PTAR1: variants seen among roughly 807,000 people sequenced by gnomAD.
PTAR1 encodes the protein protein prenyltransferase alpha subunit repeat containing 1.
Under a neutral mutation model 45.5 loss-of-function variants are expected in PTAR1, and 17 were observed. That is an observed-to-expected ratio of 0.37 (90% CI 0.26 to 0.56). The LOEUF (loss-of-function observed/expected upper bound fraction) is 0.56. Among genes scored for constraint, PTAR1 ranks in the 20% least tolerant of loss-of-function variants. The pLI is 0.77. For missense variants in PTAR1, 391 were observed against 476.3 expected (o/e 0.82, Z 1.67); for synonymous variants, 169 against 171.3 (o/e 0.99, Z 0.11).
chr9:69,744,927 G>A (rs1402796255), intron 2 of PTAR1, among the ~76,000 whole-genome samples: 1 of 152,130 alleles, frequency 6.6e-6, no homozygotes, highest in Non-Finnish European at 1.5e-5. Context: ...TAAGAGGATA[G>A]GCCTTCCTTA....
rs1824491010 is a variant in PTAR1 at position 69,710,699 on chromosome 9, T to C, written c.*7643A>G. On this transcript the variant is annotated 3_prime_UTR_variant, in exon 8 of 8. Coordinates refer to ENST00000340434, the MANE Select transcript of PTAR1 (RefSeq NM_001099666.2). ...AGCTAAAGGACTTCAATGTAGACTG[T>C]TACATTGGGGAAAAACAGATCAAGA... 1 of 152,136 alleles carries C rather than the reference T, an allele frequency of 6.6e-6. No homozygotes were observed. The highest frequency in any genetic ancestry group is 1.5e-5 in the Non-Finnish European group (1 of 68,014). The allele number at this position is 152,136 out of a possible 1,614,324, so 9.4% of individuals were successfully genotyped here.
chr9:69,719,911 A>G lies in PTAR1; in HGVS notation c.948-1227T>C, dbSNP rs140149285. Among the ~76,000 whole-genome samples, 1,249 of 152,286 alleles carry G rather than the reference A, an allele frequency of 8.2e-3. 8 individuals carry two copies. Among genetic ancestry groups the G allele is most frequent in the Non-Finnish European group, 0.013 (908 of 68,012 alleles). Reference sequence around the variant, plus strand: ...GTCACAAACACACCCATATAAGATGATAAACTGAACCAATAAATGTTGTGT... The same window carrying G: ...GTCACAAACACACCCATATAAGATGGTAAACTGAACCAATAAATGTTGTGT... On this transcript the variant is annotated intron_variant, in intron 6 of 7. Coordinates refer to ENST00000340434, the MANE Select transcript of PTAR1 (RefSeq NM_001099666.2).
At chr9:69,732,044 T>A in intron 5 of PTAR1, 95 bp downstream of exon 5, 1 of 822,624 alleles carries the variant, frequency 1.2e-6, no homozygotes, top group Non-Finnish European at 1.9e-6. Flanking sequence ...ACCATCAGTT[T>A]CTCTACTCCT....
chr9:69,739,854 C>T (rs1469377546), intron 3 of PTAR1, among the ~76,000 whole-genome samples: 1 of 152,128 alleles, frequency 6.6e-6, no homozygotes, highest in East Asian at 1.9e-4. Context: ...TCATCTAGCA[C>T]AAAACCTTAC....
Position 69,732,290 on chromosome 9 carries a change from T to C in PTAR1, c.491A>G (p.Asn164Ser), listed in dbSNP as rs776073842. 3 of 1,613,898 alleles carry C rather than the reference T, an allele frequency of 1.9e-6. No individual in the cohort carries two copies. The highest frequency in any genetic ancestry group is 3.3e-5 in the Admixed American group (2 of 60,016). Residue 164 changes from asparagine to serine, a missense_variant, in exon 5 of 8, where the codon AAC becomes AGC. By Grantham distance (46) the Asn-to-Ser change is conservative. This residue lies in a region of PTAR1 where 46 missense variants were observed against 39.6 expected (regional missense o/e 1.16). Coordinates refer to ENST00000340434, the MANE Select transcript of PTAR1 (RefSeq NM_001099666.2). The stretch of plus-strand genomic sequence containing the variant: ...CCTTTCTGTGGGAATTGTTCCCAAG[T>C]TTCCTTTGGTCACAAAGGAAGGCAA... ...TSLPSFVTKG[N>S]LGTIPTERAQ...
At chr9:69,726,892 C>T (rs926892056) in intron 5 of PTAR1, among the ~76,000 whole-genome samples, 7 of 148,390 alleles carry the variant, frequency 4.7e-5, no homozygotes, top group African/African-American at 1.7e-4. Context: ...ATATTATTTT[C>T]GATATATTAC....
rs1370541118 is a variant in PTAR1 at position 69,710,600 on chromosome 9, G to A, written c.*7742C>T. 6.6e-6 allele frequency: 1 copy of A among 152,060 alleles called. No individual in the cohort carries two copies. Among genetic ancestry groups the A allele is most frequent in the South Asian group, 2.1e-4 (1 of 4,822 alleles). 9.4% of individuals were successfully genotyped at this position (152,060 alleles called of 1,614,324 possible). On this transcript the variant is annotated 3_prime_UTR_variant, in exon 8 of 8. Transcript: ENST00000340434. ...AAAATTCATTCTTATCTCTCTGAAA[G>A]ATATGCATTTTAAGGGTAAAAAGAA...
chr9:69,724,095 A>T (rs1166839548), intron 5 of PTAR1, among the ~76,000 whole-genome samples: 1 of 152,168 alleles, frequency 6.6e-6, no homozygotes, highest in Non-Finnish European at 1.5e-5. Flanking sequence ...GCTCAGTGAA[A>T]TTATTTGTTC....
chr9:69,709,620 T>C lies in PTAR1; in HGVS notation c.*8722A>G, dbSNP rs1397465348. 1 of 152,168 alleles carries C rather than the reference T, an allele frequency of 6.6e-6. No homozygotes were observed. Among genetic ancestry groups the C allele is most frequent in the Non-Finnish European group, 1.5e-5 (1 of 68,014 alleles). 9.4% of individuals were successfully genotyped at this position (152,168 alleles called of 1,614,324 possible). On this transcript the variant is annotated 3_prime_UTR_variant, in exon 8 of 8. Coordinates refer to ENST00000340434, the MANE Select transcript of PTAR1 (RefSeq NM_001099666.2). ...TATTCTACAGAAATACAATACTTTA[T>C]AGCTGGCTTGGTACATGGTCACATA... is the stretch of plus-strand genomic sequence containing the variant.
intron 5 of PTAR1, among the ~76,000 whole-genome samples, chr9:69,724,965 A>G (rs983558212): frequency 2.0e-5 from 3 of 152,228 alleles, no homozygotes; most frequent in African/African-American, 7.2e-5. Context: ...TCCAGAGGCT[A>G]TAGCTGGCAA....
intron 3 of PTAR1, among the ~76,000 whole-genome samples, chr9:69,735,816 G>A (rs1825761641): frequency 1.3e-5 from 2 of 151,776 alleles, no homozygotes; most frequent in African/African-American, 4.8e-5. Flanking sequence ...TACTTAGACG[G>A]ACTTAATTCC....
chr9:69,759,786 T>TTG, intron 1 of PTAR1, 67 bp downstream of exon 1: 3 of 1,445,230 alleles, frequency 2.1e-6, no homozygotes, highest in East Asian at 3.0e-5. Context: ...CGAGGTCGGG[T>TTG]GGACGCTTGG....
In PTAR1 at chr9:69,710,703, A is replaced by G. The variant is rs1231395963; in HGVS notation, c.*7639T>C. On this transcript the variant is annotated 3_prime_UTR_variant, in exon 8 of 8. Transcript: ENST00000340434. ...AAAGGACTTCAATGTAGACTGTTAC[A>G]TTGGGGAAAAACAGATCAAGAAACA... 2 of 152,192 alleles carry G rather than the reference A, an allele frequency of 1.3e-5. No homozygotes were observed. The highest frequency in any genetic ancestry group is 2.9e-5 in the Non-Finnish European group (2 of 68,030). 9.4% of individuals were successfully genotyped at this position (152,192 alleles called of 1,614,324 possible). A position where few individuals can be genotyped will look rare whatever the true frequency, so the allele number is the denominator to read the frequency against.
At chr9:69,725,563 C>T (rs1825234028) in intron 5 of PTAR1, among the ~76,000 whole-genome samples, 1 of 150,914 alleles carries the variant, frequency 6.6e-6, no homozygotes, top group Admixed American at 6.6e-5. Context: ...ATACTCCAGC[C>T]TGGGCGACAA....
intron 3 of PTAR1, 22 bp from the exon 4 acceptor site, chr9:69,734,276 A>AT (rs1443718707): frequency 5.9e-6 from 7 of 1,187,296 alleles, no homozygotes; most frequent in Non-Finnish European, 8.2e-6. Context: ...AAAAAAAAAA[A>AT]AAAAAAAAAT....
intron 1 of PTAR1, chr9:69,758,700 A>T: frequency 2.4e-6 from 1 of 414,642 alleles, no homozygotes; most frequent in Non-Finnish European, 5.0e-6. Flanking sequence ...TTTTACAATC[A>T]TCACCTTGGA....
chr9:69,748,927 C>T (rs1351624849), intron 2 of PTAR1, among the ~76,000 whole-genome samples: 1 of 152,050 alleles, frequency 6.6e-6, no homozygotes, highest in East Asian at 1.9e-4. Flanking sequence ...TATCCACCCC[C>T]CTCAAAATAG....
Position 69,717,070 on chromosome 9 carries a change from A to G in PTAR1, c.*1272T>C, listed in dbSNP as rs1281597793. Reference sequence around the variant, plus strand: ...AAACTCAGCCCTTGTTATTGGAAACATAAGATACGGCTATAATGTGGATAC... The same window carrying G: ...AAACTCAGCCCTTGTTATTGGAAACGTAAGATACGGCTATAATGTGGATAC... On this transcript the variant is annotated 3_prime_UTR_variant, in exon 8 of 8. Coordinates refer to ENST00000340434, the MANE Select transcript of PTAR1 (RefSeq NM_001099666.2). 6.6e-6 allele frequency: 1 copy of G among 152,182 alleles called. No homozygotes were observed. Among genetic ancestry groups the G allele is most frequent in the Non-Finnish European group, 1.5e-5 (1 of 68,026 alleles). The allele number at this position is 152,182 out of a possible 1,614,324, so 9.4% of individuals were successfully genotyped here.
chr9:69,758,553 AGG>A, intron 1 of PTAR1: 1 of 202,694 alleles, frequency 4.9e-6, no homozygotes, highest in Admixed American at 4.8e-5. Flanking sequence ...AGCAGTCATA[AGG>A]GGGAGGGAAG....
Sources: gnomAD v4.1 joint callset for allele counts (sites outside exome capture counted in the v4.1 genomes callset) on GRCh38, gnomAD v4.1.1 for gene constraint, gnomAD v4.1.1 regional missense constraint, MANE v1.5 for transcripts, NCBI Gene and HGNC (gene_info 2026-07-23, HGNC 2026-07-21) for gene names.